The following TRAF3IP2 variants were observed in gnomAD, a reference collection of about 807,000 sequenced individuals.
The protein encoded by TRAF3IP2 is TRAF3 interacting protein 2.
In TRAF3IP2, 35 loss-of-function variants were observed where a neutral mutation model predicts 57.9. The ratio of observed to expected loss-of-function variants is 0.60; its 90% CI spans 0.46 to 0.80. TRAF3IP2 has a LOEUF of 0.80. TRAF3IP2 is among the 30% of genes least tolerant of loss of function. TRAF3IP2 has a pLI of 0.00. For missense variants in TRAF3IP2, 556 were observed against 706.4 expected (o/e 0.79, Z 2.41); for synonymous variants, 251 against 268.9 (o/e 0.93, Z 0.65).
At chr6:111,596,046 C>T (rs1443834367) in intron 1 of TRAF3IP2, among the ~76,000 whole-genome samples, 1 of 152,082 alleles carries the variant, frequency 6.6e-6, no homozygotes, top group Non-Finnish European at 1.5e-5. Context: ...TGGCTGGCTT[C>T]CTTTCTCCTT....
At chr6:111,568,997 A>G (rs1474492093) in intron 5 of TRAF3IP2, among the ~76,000 whole-genome samples, 1 of 152,188 alleles carries the variant, frequency 6.6e-6, no homozygotes, top group Non-Finnish European at 1.5e-5. Context: ...TGTCTCTTCA[A>G]CCTGATGCTA....
In TRAF3IP2 at chr6:111,591,383, TC is replaced by T; in HGVS notation, c.703del (p.Glu235SerfsTer55). The T allele has an allele frequency of 6.5e-7, 1 of 1,544,996 alleles. No homozygotes were observed. The highest frequency in any genetic ancestry group is 2.1e-5 in the Admixed American group (1 of 47,250). ...CCTCTGAGGTTCAAACTGAGGGAAC[TC>T]CCTGGACCTGAGAGGTCTGGGGAGG... ...QDLPRPLRSR[E>X]FPQFEPQRYP... is the part of the protein sequence containing the mutation. On this transcript the variant is annotated frameshift_variant, in exon 2 of 9. Transcript: ENST00000368761. LOFTEE classifies it high-confidence loss of function. The surrounding 1 kb of genome is among the most constrained non-coding windows in gnomAD (Gnocchi z 4.9).
At chr6:111,569,272 T>C (rs1451595926) in intron 5 of TRAF3IP2, among the ~76,000 whole-genome samples, 1 of 152,168 alleles carries the variant, frequency 6.6e-6, no homozygotes, top group Admixed American at 6.6e-5. Flanking sequence ...ACAGCTTGGG[T>C]TCTGTCTTGG....
At chr6:111,589,078 T>TC (rs1796425196) in intron 2 of TRAF3IP2, among the ~76,000 whole-genome samples, 3 of 148,746 alleles carry the variant, frequency 2.0e-5, no homozygotes, top group African/African-American at 4.9e-5. Context: ...TATCTTTTTT[T>TC]TTTTTTTTTT....
intron 7 of TRAF3IP2, among the ~76,000 whole-genome samples, chr6:111,563,887 A>G (rs975425541): frequency 6.6e-6 from 1 of 152,222 alleles, no homozygotes; most frequent in Admixed American, 6.5e-5. Context: ...AGATTTAGCT[A>G]CCAAGAACTC....
rs77088771 is a variant in TRAF3IP2, at chr6:111,586,235, CT to C, written c.829+5022del. Among the ~76,000 whole-genome samples the C allele has an allele frequency of 2.9e-3, 421 of 144,734 alleles. 1 individual carries two copies. Among genetic ancestry groups the C allele is most frequent in the Non-Finnish European group, 2.7e-3 (175 of 65,518 alleles). 95.0% of individuals were successfully genotyped at this position (144,734 alleles called of 152,430 possible). ...TTCTAGCATACAAATAATCCCTCCC[CT>C]TTTTTTTTTTTGGTCCACAGGTACA... On this transcript the variant is annotated intron_variant, in intron 2 of 8. Transcript: ENST00000368761.
At chr6:111,596,102 A>C (rs956464741) in intron 1 of TRAF3IP2, among the ~76,000 whole-genome samples, 1 of 151,284 alleles carries the variant, frequency 6.6e-6, no homozygotes, top group African/African-American at 2.4e-5. Context: ...CCCTGGTCGC[A>C]CTCCCTAAAA....
chr6:111,601,350 C>T, intron 1 of TRAF3IP2: 2 of 540,944 alleles, frequency 3.7e-6, no homozygotes, highest in Non-Finnish European at 3.4e-6. Flanking sequence ...GACTGGATCT[C>T]ATTAAATTTT....
chr6:111,561,043 G>C (rs564244392), intron 8 of TRAF3IP2, among the ~76,000 whole-genome samples: 1 of 151,330 alleles, frequency 6.6e-6, no homozygotes, highest in Non-Finnish European at 1.5e-5. Flanking sequence ...TTAGCTGGGC[G>C]TGGTGGCGAG....
intron 6 of TRAF3IP2, chr6:111,566,969 A>G (rs2128371683): frequency 2.1e-5 from 6 of 288,114 alleles, no homozygotes; most frequent in South Asian, 3.4e-5. Flanking sequence ...TTCTGCGTGT[A>G]CACATTAGCA....
At chr6:111,602,896 G>A (rs1411948385) in intron 1 of TRAF3IP2, among the ~76,000 whole-genome samples, 2 of 152,166 alleles carry the variant, frequency 1.3e-5, no homozygotes, top group Non-Finnish European at 2.9e-5. Context: ...GGGGTGCGAG[G>A]AGAGGGGCAC....
chr6:111,603,346 G>T (rs1402005836), intron 1 of TRAF3IP2, among the ~76,000 whole-genome samples: 3 of 152,208 alleles, frequency 2.0e-5, no homozygotes, highest in Non-Finnish European at 2.9e-5. Context: ...AAATCCTTCA[G>T]ACTGCAGGAT....
chr6:111,590,568 T>C lies in TRAF3IP2; in HGVS notation c.829+690A>G, dbSNP rs192954613. On this transcript the variant is annotated intron_variant, in intron 2 of 8. Transcript: ENST00000368761. ...TAAAGCAGTTTTTTTAAAAGGTGTATTGAAACTGGGTCAAACACACCAGAA... is the reference window on the plus strand; with the variant it reads ...TAAAGCAGTTTTTTTAAAAGGTGTACTGAAACTGGGTCAAACACACCAGAA... Among the ~76,000 whole-genome samples, 60 of 152,214 alleles carry C rather than the reference T, an allele frequency of 3.9e-4. 1 individual carries two copies. The highest frequency in any genetic ancestry group is 1.5e-5 in the Non-Finnish European group (1 of 68,014).
chr6:111,575,555 T>A (rs1795952997), intron 4 of TRAF3IP2, 88 bp downstream of exon 4: 7 of 1,458,072 alleles, frequency 4.8e-6, no homozygotes, highest in African/African-American at 1.5e-5. Flanking sequence ...ACCACTGCAC[T>A]CCAGCCTGGG....
intron 2 of TRAF3IP2, among the ~76,000 whole-genome samples, chr6:111,584,223 T>C (rs1796260331): frequency 6.6e-6 from 1 of 152,202 alleles, no homozygotes; most frequent in Admixed American, 6.5e-5. Context: ...ACAAATCATA[T>C]CATTAAAATC....
chr6:111,594,450 A>T, intron 1 of TRAF3IP2: 1 of 433,612 alleles, frequency 2.3e-6, no homozygotes, highest in South Asian at 1.7e-5. Flanking sequence ...TTCCAGTGTG[A>T]GTACCTTAGA....
intron 1 of TRAF3IP2, among the ~76,000 whole-genome samples, chr6:111,593,164 G>A (rs534436183): frequency 2.6e-5 from 4 of 152,184 alleles, no homozygotes; most frequent in African/African-American, 7.2e-5. Flanking sequence ...AGCAGGTGTC[G>A]TAAAAGAGCA....
Position 111,563,052 on chromosome 6 carries a change from A to T in TRAF3IP2, c.1477-13T>A, listed in dbSNP as rs1350416442. ...ACTCAATCTGCATCTGAAACCAAACAAATGTGAAGGTTTAATTTCAGGAAT... is the reference window on the plus strand; with the variant it reads ...ACTCAATCTGCATCTGAAACCAAACTAATGTGAAGGTTTAATTTCAGGAAT... On this transcript the variant is annotated splice_polypyrimidine_tract_variant and intron_variant, in intron 7 of 8. Transcript: ENST00000368761. 1 of 1,599,520 alleles carries T rather than the reference A, an allele frequency of 6.3e-7. No individual in the cohort carries two copies. The highest frequency in any genetic ancestry group is 1.7e-5 in the Admixed American group (1 of 59,864).
At chr6:111,575,556 C>A in intron 4 of TRAF3IP2, 87 bp downstream of exon 4, 3 of 1,474,638 alleles carry the variant, frequency 2.0e-6, no homozygotes, top group Non-Finnish European at 2.7e-6. Context: ...CCACTGCACT[C>A]CAGCCTGGGC....
Sources: allele counts gnomAD v4.1 joint callset (sites outside exome capture counted in the v4.1 genomes callset), GRCh38; gene constraint gnomAD v4.1.1; non-coding constraint Gnocchi (gnomAD v3.1); transcripts MANE v1.5; gene names NCBI Gene and HGNC (gene_info 2026-07-23, HGNC 2026-07-21).